RPTOR: variants seen among roughly 807,000 people sequenced by gnomAD.
RPTOR encodes regulatory-associated protein of mTOR.
RPTOR carries 21 observed loss-of-function variants against 169.9 expected under a neutral mutation model. The ratio of observed to expected loss-of-function variants is 0.12; its 90% CI spans 0.09 to 0.18. RPTOR has a LOEUF of 0.18. Ranked by LOEUF, RPTOR falls within the 10% of genes least tolerant of loss-of-function variation. RPTOR has a pLI of 1.00. For missense variants in RPTOR, 1,133 were observed against 1,855.9 expected (o/e 0.61, Z 7.16); for synonymous variants, 732 against 753.2 (o/e 0.97, Z 0.46).
At chr17:80,963,147 G>C (rs2144105869) in intron 33 of RPTOR, 90 bp downstream of exon 33, 3 of 1,273,098 alleles carry the variant, frequency 2.4e-6, no homozygotes, top group Middle Eastern at 5.3e-4. Context: ...GTCCTGCCTG[G>C]CTACCCCACA....
rs2066657708 is a variant in RPTOR at position 80,754,210 on chromosome 17, G to A, written c.830+25G>A. ...GGTGAGTGGCCCCTGCTGTGCCCCT[G>A]GGACCCACTCAACTGGGCTCTCCCG... On this transcript the variant is annotated intron_variant, in intron 6 of 33. Transcript: ENST00000306801. This position sits in a 1 kb window ranked among gnomAD's most constrained non-coding sequence, Gnocchi z 4.2. 3 of 1,567,048 alleles carry A rather than the reference G, an allele frequency of 1.9e-6. No individual in the cohort carries two copies. The highest frequency in any genetic ancestry group is 1.8e-5 in the Admixed American group (1 of 57,130).
At chr17:80,829,385 G>A (rs951058213) in intron 9 of RPTOR, among the ~76,000 whole-genome samples, 2 of 152,150 alleles carry the variant, frequency 1.3e-5, no homozygotes, top group Non-Finnish European at 2.9e-5. Flanking sequence ...TCTGCGGGGC[G>A]GTTTTGGCCC....
intron 1 of RPTOR, among the ~76,000 whole-genome samples, chr17:80,598,680 A>G (rs2143437770): frequency 6.6e-6 from 1 of 152,264 alleles, no homozygotes; most frequent in Non-Finnish European, 1.5e-5. Flanking sequence ...GATCCTGCTG[A>G]CAAACTGGTT....
At chr17:80,757,133 T>C (rs942945434) in intron 6 of RPTOR, among the ~76,000 whole-genome samples, 40 of 151,734 alleles carry the variant, frequency 2.6e-4, no homozygotes, top group Admixed American at 4.6e-4. Context: ...AGAAGGGAAA[T>C]AGAGGCCCCA....
chr17:80,800,211 G>A (rs2067143115), intron 7 of RPTOR, among the ~76,000 whole-genome samples: 1 of 152,184 alleles, frequency 6.6e-6, no homozygotes, highest in South Asian at 2.1e-4. Flanking sequence ...GCTGCCCCCA[G>A]ACGGTCAGAA....
Position 80,947,213 on chromosome 17 carries a change from C to T in RPTOR, c.3141-14C>T. 2 of 1,573,868 alleles carry T rather than the reference C, an allele frequency of 1.3e-6. No homozygotes were observed. The highest frequency in any genetic ancestry group is 1.7e-6 in the Non-Finnish European group (2 of 1,164,608). On this transcript the variant is annotated splice_polypyrimidine_tract_variant and intron_variant, in intron 26 of 33. Transcript: ENST00000306801. The surrounding 1 kb of genome is among the most constrained non-coding windows in gnomAD (Gnocchi z 4.4). Reference sequence around the variant, plus strand: ...TTCCTAATGACTTTTTTATTCCTCTCTTCTTCCCTTAAGCTTTTGGGACTG... The same window carrying T: ...TTCCTAATGACTTTTTTATTCCTCTTTTCTTCCCTTAAGCTTTTGGGACTG...
At chr17:80,610,920 C>T (rs1198104911) in intron 1 of RPTOR, among the ~76,000 whole-genome samples, 3 of 152,174 alleles carry the variant, frequency 2.0e-5, no homozygotes, top group South Asian at 4.1e-4. Flanking sequence ...ACTGAATTTT[C>T]GAGTGCAGAT....
intron 24 of RPTOR, among the ~76,000 whole-genome samples, chr17:80,934,132 A>C (rs146303231): frequency 6.6e-6 from 1 of 151,714 alleles, no homozygotes; most frequent in Non-Finnish European, 1.5e-5. Flanking sequence ...GTTCCTGTCT[A>C]TTAAAGGAAA....
chr17:80,928,176 G>C (rs2068835097), intron 24 of RPTOR, among the ~76,000 whole-genome samples: 1 of 152,110 alleles, frequency 6.6e-6, no homozygotes, highest in African/African-American at 2.4e-5. Flanking sequence ...TGCAGTCTTA[G>C]GAGTGTCTTT....
At chr17:80,602,836 G>A (rs967376193) in intron 1 of RPTOR, 8 of 603,022 alleles carry the variant, frequency 1.3e-5, no homozygotes, top group Non-Finnish European at 2.4e-5. Flanking sequence ...TGGACGCGCT[G>A]GTGAATGTTG....
intron 24 of RPTOR, among the ~76,000 whole-genome samples, chr17:80,930,410 C>CTT (rs1201164024): frequency 5.2e-5 from 3 of 57,294 alleles, no homozygotes; most frequent in African/African-American, 1.3e-4. Context: ...AGCTCATCCC[C>CTT]AGCTCATCCT....
At chr17:80,869,971 G>T (rs1567958828) in intron 13 of RPTOR, among the ~76,000 whole-genome samples, 1 of 152,196 alleles carries the variant, frequency 6.6e-6, no homozygotes, top group African/African-American at 2.4e-5. Flanking sequence ...CACTTTGCAA[G>T]GATGGTGGTA....
In RPTOR at chr17:80,782,042, G is replaced by A. The variant is rs115447665; in HGVS notation, c.831-9408G>A. The stretch of plus-strand genomic sequence containing the variant: ...ATTGACTGATTCTTAAATGATCTGC[G>A]CGAGGCGGCCCTGGAGCCTACAGCA... On this transcript the variant is annotated intron_variant, in intron 6 of 33. Transcript: ENST00000306801. Among the ~76,000 whole-genome samples, 690 of 152,352 alleles carry A rather than the reference G, an allele frequency of 4.5e-3. 8 individuals are homozygous for A. Among genetic ancestry groups the A allele is most frequent in the African/African-American group, 0.016 (658 of 41,598 alleles).
At chr17:80,685,899 G>T (rs868219513) in intron 3 of RPTOR, among the ~76,000 whole-genome samples, 1 of 151,504 alleles carries the variant, frequency 6.6e-6, no homozygotes, top group East Asian at 2.0e-4. Flanking sequence ...TCCTCATCAG[G>T]TGGGGGCACT....
At chr17:80,736,728 G>T (rs1038723446) in intron 5 of RPTOR, among the ~76,000 whole-genome samples, 1 of 152,198 alleles carries the variant, frequency 6.6e-6, no homozygotes, top group African/African-American at 2.4e-5. Flanking sequence ...TGAAGGTTGT[G>T]GTTGTAGTGA....
intron 1 of RPTOR, among the ~76,000 whole-genome samples, chr17:80,597,052 A>C (rs1315239604): frequency 6.6e-6 from 1 of 152,220 alleles, no homozygotes; most frequent in Non-Finnish European, 1.5e-5. Context: ...AGAAGCTTAC[A>C]GCATCATTTC....
chr17:80,662,285 C>T (rs980397340), intron 3 of RPTOR, among the ~76,000 whole-genome samples: 10 of 152,154 alleles, frequency 6.6e-5, no homozygotes, highest in African/African-American at 2.2e-4. Context: ...CCGATGAGTT[C>T]GTCTTGTCTG....
chr17:80,849,532 T>C (rs1334744310), intron 11 of RPTOR, among the ~76,000 whole-genome samples: 1 of 152,202 alleles, frequency 6.6e-6, no homozygotes, highest in African/African-American at 2.4e-5. Flanking sequence ...TGGTGTCTAT[T>C]TTTTTGAGAT....
chr17:80,709,810 C>T (rs902956814), intron 4 of RPTOR, among the ~76,000 whole-genome samples: 4 of 152,150 alleles, frequency 2.6e-5, no homozygotes, highest in Admixed American at 6.5e-5. Context: ...CTGCTCAAAG[C>T]GCCTATCTGC....
Sources: gnomAD v4.1 joint callset for allele counts (sites outside exome capture counted in the v4.1 genomes callset) on GRCh38, gnomAD v4.1.1 for gene constraint, Gnocchi (gnomAD v3.1) non-coding constraint, MANE v1.5 for transcripts, NCBI Gene and HGNC (gene_info 2026-07-23, HGNC 2026-07-21) for gene names.